PIGU: variants seen among roughly 807,000 people sequenced by gnomAD.
PIGU encodes the protein phosphatidylinositol glycan anchor biosynthesis class U.
A neutral mutation model predicts 49.9 loss-of-function variants in PIGU; 24 were observed. The observed-to-expected ratio is 0.48, with a 90% CI of 0.35 to 0.68. PIGU has a LOEUF of 0.68. Ranked by LOEUF, PIGU falls within the 30% of genes least tolerant of loss-of-function variation. The probability of loss-of-function intolerance (pLI) is 0.01; values close to 1 mark genes in which losing one functional copy is unlikely to be tolerated. For missense variants in PIGU, 490 were observed against 532.6 expected, an observed-to-expected ratio of 0.92 and a Z score of 0.79; for synonymous variants, 220 against 205.7, an observed-to-expected ratio of 1.07 and a Z score of -0.59.
chr20:34,671,285 C>T (rs921407901), intron 1 of PIGU, among the ~76,000 whole-genome samples: 8 of 151,614 alleles, frequency 5.3e-5, no homozygotes, highest in African/African-American at 9.7e-5. Flanking sequence ...TTTTTTGAGA[C>T]GGAGTTTTGC....
chr20:34,595,868 G>C (rs573230744), intron 7 of PIGU, among the ~76,000 whole-genome samples: 1 of 152,308 alleles, frequency 6.6e-6, no homozygotes, highest in South Asian at 2.1e-4. Context: ...GGAGGCCAAG[G>C]TGGGTGGATC....
At chr20:34,658,602 A>G (rs1410706219) in intron 1 of PIGU, among the ~76,000 whole-genome samples, 3 of 141,542 alleles carry the variant, frequency 2.1e-5, no homozygotes, top group East Asian at 2.1e-4. Flanking sequence ...CCTCTGCCCC[A>G]CCGCCCCGTC....
At chr20:34,620,522 C>T (rs1985164613) in intron 6 of PIGU, among the ~76,000 whole-genome samples, 1 of 152,068 alleles carries the variant, frequency 6.6e-6, no homozygotes, top group African/African-American at 2.4e-5. Context: ...AAGAACAGTT[C>T]CTGACTTGGA....
At position 34,588,441 on chromosome 20, in the gene PIGU, G is replaced by T. The variant is rs1600603545; in HGVS notation, c.782+12C>A. 1 of 1,609,022 alleles carries T rather than the reference G, an allele frequency of 6.2e-7. No homozygotes were observed. The highest frequency in any genetic ancestry group is 8.5e-7 in the Non-Finnish European group (1 of 1,177,534). On this transcript the variant is annotated intron_variant, in intron 8 of 11. Transcript: ENST00000217446. ...ACAGCTTCTAGAATTTTCTAACGTG[G>T]TCATTACTTACATAAAGCCATAGAC... is the stretch of plus-strand genomic sequence containing the variant.
intron 4 of PIGU, 102 bp downstream of exon 4, chr20:34,644,062 C>T (rs1015196254): frequency 1.6e-5 from 18 of 1,091,798 alleles, no homozygotes; most frequent in Admixed American, 3.7e-5. Context: ...CACTTCCTAG[C>T]ACTTTAAAGC....
intron 9 of PIGU, among the ~76,000 whole-genome samples, chr20:34,584,679 TTTGTTG>T (rs551968386): frequency 6.3e-4 from 95 of 150,684 alleles, no homozygotes; most frequent in Non-Finnish European, 1.2e-3. Context: ...CTGGCTAATT[TTTGTTG>T]TTGTTGTTGT....
chr20:34,586,732 C>CA (rs1983711298), intron 8 of PIGU, among the ~76,000 whole-genome samples: 2 of 152,152 alleles, frequency 1.3e-5, no homozygotes, highest in South Asian at 4.1e-4. Flanking sequence ...CTGCAATACT[C>CA]AAGTCCATTT....
At chr20:34,661,181 G>A (rs748571286) in intron 1 of PIGU, among the ~76,000 whole-genome samples, 1 of 152,044 alleles carries the variant, frequency 6.6e-6, no homozygotes, top group African/African-American at 2.4e-5. Flanking sequence ...GACTATTTTA[G>A]CAATTTCTCT....
rs928041446 is a variant in PIGU at position 34,674,221 on chromosome 20, G to A, written c.130+2735C>T. On this transcript the variant is annotated intron_variant, in intron 1 of 11. Coordinates refer to ENST00000217446, the MANE Select transcript of PIGU (RefSeq NM_080476.5). ...AATACAAAAATTAGCTGGGCATGGTGGCGGGCACCTGTAATCCCAGCTACC... is the reference window on the plus strand; with the variant it reads ...AATACAAAAATTAGCTGGGCATGGTAGCGGGCACCTGTAATCCCAGCTACC... Among the ~76,000 whole-genome samples the A allele has an allele frequency of 5.9e-5, 9 of 151,976 alleles. No homozygotes were observed. The East Asian group carries it at 1.7e-3, about 29-fold the overall frequency.
In PIGU at chr20:34,587,132, C is replaced by T. The variant is rs75113751; in HGVS notation, c.782+1321G>A. Among the ~76,000 whole-genome samples the T allele has an allele frequency of 6.0e-4, 92 of 152,286 alleles. 1 individual carries two copies. The highest frequency in any genetic ancestry group is 1.2e-3 in the Admixed American group (18 of 15,282). On this transcript the variant is annotated intron_variant, in intron 8 of 11. Transcript: ENST00000217446. ...CAACAGCACTGGCATCACCTGGAAA[C>T]CGGAGAAATGCAAATTGTTGATCCC... is the stretch of plus-strand genomic sequence containing the variant.
intron 11 of PIGU, among the ~76,000 whole-genome samples, chr20:34,573,840 A>G (rs1600589619): frequency 6.6e-6 from 1 of 152,378 alleles, no homozygotes; most frequent in Admixed American, 6.5e-5. Context: ...CCAGGCTACA[A>G]GGCCCTCTAT....
At chr20:34,665,393 C>CG (rs1367450323) in intron 1 of PIGU, among the ~76,000 whole-genome samples, 1 of 150,794 alleles carries the variant, frequency 6.6e-6, no homozygotes, top group African/African-American at 2.4e-5. Flanking sequence ...TTAGTAGAGA[C>CG]GGGGTTTCAC....
chr20:34,579,894 T>A (rs1220043113), intron 10 of PIGU, among the ~76,000 whole-genome samples: 1 of 152,234 alleles, frequency 6.6e-6, no homozygotes, highest in East Asian at 1.9e-4. Flanking sequence ...CTCCCCTGCA[T>A]AATTATTACT....
intron 1 of PIGU, among the ~76,000 whole-genome samples, chr20:34,663,001 G>A (rs1986974490): frequency 6.6e-6 from 1 of 152,212 alleles, no homozygotes; most frequent in Admixed American, 6.6e-5. Flanking sequence ...TCAACCTCCT[G>A]GGCACAAGCG....
In PIGU at chr20:34,585,433, T is replaced by G; in HGVS notation, c.926+4A>C. The G allele has an allele frequency of 6.2e-7, 1 of 1,614,050 alleles. No homozygotes were observed. Among genetic ancestry groups the G allele is most frequent in the Non-Finnish European group, 8.5e-7 (1 of 1,179,892 alleles). Reference sequence around the variant, plus strand: ...ACACAGCAGCAGCAGGTCCAGCCACTTACTTTAGCTTTATGGCTAAGGGGA... The same window carrying G: ...ACACAGCAGCAGCAGGTCCAGCCACGTACTTTAGCTTTATGGCTAAGGGGA... On this transcript the variant is annotated splice_donor_region_variant and intron_variant, in intron 9 of 11. Coordinates refer to ENST00000217446, the MANE Select transcript of PIGU (RefSeq NM_080476.5).
chr20:34,583,205 C>A (rs552408147), intron 9 of PIGU, among the ~76,000 whole-genome samples: 1 of 152,250 alleles, frequency 6.6e-6, no homozygotes, highest in Non-Finnish European at 1.5e-5. Flanking sequence ...CTCTAAGAAG[C>A]GTCCAGCTAT....
At chr20:34,634,869 G>C (rs1985910028) in intron 5 of PIGU, among the ~76,000 whole-genome samples, 154 bp from the exon 6 acceptor site, 1 of 152,202 alleles carries the variant, frequency 6.6e-6, no homozygotes, top group African/African-American at 2.4e-5. Context: ...AATAGAGTGG[G>C]GGTTGAGGCT....
In PIGU at chr20:34,655,499, G is replaced by A. The variant is rs1490770639; in HGVS notation, c.195+1681C>T. Among the ~76,000 whole-genome samples, 3 of 118,992 alleles carry A rather than the reference G, an allele frequency of 2.5e-5. 1 individual carries two copies. The highest frequency in any genetic ancestry group is 5.4e-5 in the Non-Finnish European group (3 of 55,994). 78.1% of individuals were successfully genotyped at this position (118,992 alleles called of 152,430 possible). ...ATCCTGGCTAATATGATGAAACCCC[G>A]TCTCTACTAAAAACACAAAAAAAAA... On this transcript the variant is annotated intron_variant, in intron 2 of 11. Transcript: ENST00000217446.
At chr20:34,606,658 T>G (rs189571149) in intron 7 of PIGU, among the ~76,000 whole-genome samples, 1 of 152,360 alleles carries the variant, frequency 6.6e-6, no homozygotes, top group Admixed American at 6.5e-5. Flanking sequence ...TACTGCCTCA[T>G]GCCAAGCACT....
Sources: allele counts gnomAD v4.1 joint callset (sites outside exome capture counted in the v4.1 genomes callset), GRCh38; gene constraint gnomAD v4.1.1; transcripts MANE v1.5; gene names NCBI Gene and HGNC (gene_info 2026-07-23, HGNC 2026-07-21).